Variants in SLC1A6 observed in about 807,000 individuals in gnomAD.
The protein encoded by SLC1A6 is excitatory amino acid transporter 4.
Under a neutral mutation model 42.1 loss-of-function variants are expected in SLC1A6, and 15 were observed. The ratio of observed to expected loss-of-function variants is 0.36; its 90% CI spans 0.24 to 0.55. SLC1A6 has a LOEUF of 0.55. Ranked by LOEUF, SLC1A6 falls within the 20% of genes least tolerant of loss-of-function variation. SLC1A6 has a pLI of 0.88. For missense variants in SLC1A6, 542 were observed against 772.5 expected (o/e 0.70, Z 3.54); for synonymous variants, 317 against 319.7 (o/e 0.99, Z 0.09).
chr19:14,992,542 C>A (rs2045825590), intron 1 of SLC1A6, among the ~76,000 whole-genome samples: 1 of 152,068 alleles, frequency 6.6e-6, no homozygotes, highest in African/African-American at 2.4e-5. Context: ...CCTGTAATCC[C>A]AGCTACTCAG....
chr19:14,964,272 C>T (rs374371119), intron 5 of SLC1A6, 47 bp downstream of exon 5: 7 of 1,565,822 alleles, frequency 4.5e-6, no homozygotes, highest in Non-Finnish European at 5.3e-6. Flanking sequence ...CCCAAGCTCC[C>T]ACCACCCTCC....
chr19:14,985,722 G>A (rs2045789501), intron 1 of SLC1A6, among the ~76,000 whole-genome samples: 1 of 152,228 alleles, frequency 6.6e-6, no homozygotes, highest in Non-Finnish European at 1.5e-5. Context: ...CCAGCCTTTG[G>A]GAGGCCAAGG....
At chr19:14,978,517 A>G (rs989773004) in intron 1 of SLC1A6, among the ~76,000 whole-genome samples, 1 of 151,726 alleles carries the variant, frequency 6.6e-6, no homozygotes, top group Non-Finnish European at 1.5e-5. Context: ...GCAACCACAC[A>G]CACACCCACA....
chr19:14,998,453 A>C (rs535955025), intron 1 of SLC1A6, among the ~76,000 whole-genome samples: 1 of 152,306 alleles, frequency 6.6e-6, no homozygotes, highest in South Asian at 2.1e-4. Context: ...AGGCAGGAGA[A>C]TCACTTGAAC....
intron 1 of SLC1A6, among the ~76,000 whole-genome samples, chr19:14,995,599 A>G (rs776517223): frequency 6.6e-6 from 1 of 152,136 alleles, no homozygotes; most frequent in Non-Finnish European, 1.5e-5. Flanking sequence ...GAGGGAATGC[A>G]TATGTTAATT....
rs755005996 is a variant in SLC1A6, at chr19:14,950,340, G to A, written c.1550C>T (p.Ala517Val). Residue 517 changes from alanine (A) to valine (V), a missense_variant, in exon 10 of 10, where the codon GCC becomes GTC. Ala to Val is a moderately conservative substitution (Grantham distance 64). Around this residue, in one of 6 missense-constraint regions of SLC1A6, gnomAD observed 73 missense variants for 85.2 expected, o/e 0.86. Coordinates refer to ENST00000594383, the MANE Select transcript of SLC1A6 (RefSeq NM_005071.3). ...CCGCTGAGACAAGTGCTCGATGACG[G>A]CCGCTCCAATTGAGTCCCCCAGTAC... ...TNVLGDSIGA[A>V]VIEHLSQREL... 1.2e-6 allele frequency: 2 copies of A among 1,609,990 alleles called. No individual in the cohort carries two copies. Among genetic ancestry groups the A allele is most frequent in the Non-Finnish European group, 1.7e-6 (2 of 1,177,792 alleles).
In SLC1A6 at chr19:14,962,939, C is replaced by T. The variant is rs76215719; in HGVS notation, c.592-594G>A. On this transcript the variant is annotated intron_variant, in intron 5 of 9. Coordinates refer to ENST00000594383, the MANE Select transcript of SLC1A6 (RefSeq NM_005071.3). ...AAAAATTGAACTACCATAGGACCAG[C>T]AATCCCACTACTGTATATATCCAAA... 1.0e-3 allele frequency among the ~76,000 whole-genome samples: 157 copies of T among 152,220 alleles called. 3 individuals are homozygous for T. In the East Asian group the frequency reaches 0.025, roughly 24 times the overall value.
In SLC1A6 at chr19:14,972,767, G is replaced by T. The variant is rs1483075194; in HGVS notation, c.144C>A (p.His48Gln). 4 of 1,613,864 alleles carry T rather than the reference G, an allele frequency of 2.5e-6. No individual in the cohort carries two copies. The highest frequency in any genetic ancestry group is 1.7e-5 in the Admixed American group (1 of 60,002). Reference sequence around the variant, plus strand: ...CGTTTCGGCGCAGGAAGCGCAGCACGTGCTCGAGGGTCATGGTCTGCAGGC... The same window carrying T: ...CGTTTCGGCGCAGGAAGCGCAGCACTTGCTCGAGGGTCATGGTCTGCAGGC... The part of the protein sequence containing the change: ...RLRLQTMTLE[H>Q]VLRFLRRNAF... The change falls in exon 2 of 10, where the codon CAC becomes CAA. Residue 48 changes from histidine to glutamine, a missense_variant. His to Gln is a conservative substitution (Grantham distance 24). This residue lies in a region of SLC1A6 where 88 missense variants were observed against 85.5 expected (regional missense o/e 1.03). Transcript: ENST00000594383.
At chr19:15,004,338 G>A (rs539762136) in intron 1 of SLC1A6, among the ~76,000 whole-genome samples, 1 of 152,086 alleles carries the variant, frequency 6.6e-6, no homozygotes, top group South Asian at 2.1e-4. Flanking sequence ...AGGCATGGTG[G>A]GGGAATGAAT....
upstream of SLC1A6, among the ~76,000 whole-genome samples, chr19:14,984,612 C>T (rs558386225): frequency 2.6e-5 from 4 of 152,254 alleles, no homozygotes; most frequent in South Asian, 2.1e-4. Flanking sequence ...AAACCCTGTC[C>T]GTGAATTCTT....
At chr19:15,001,315 A>G (rs1238395752) in intron 1 of SLC1A6, among the ~76,000 whole-genome samples, 2 of 152,206 alleles carry the variant, frequency 1.3e-5, no homozygotes, top group African/African-American at 2.4e-5. Context: ...CGGTGGTGTG[A>G]GACCTCAAAC....
At chr19:14,964,233 G>C (rs1023520762) in intron 5 of SLC1A6, 86 bp downstream of exon 5, 26 of 1,119,274 alleles carry the variant, frequency 2.3e-5, no homozygotes, top group Middle Eastern at 2.0e-4. Context: ...CCTTCCTCCC[G>C]CCTCTTGCCC....
chr19:14,992,657 CAA>C (rs35913323), intron 1 of SLC1A6, among the ~76,000 whole-genome samples: 4 of 137,530 alleles, frequency 2.9e-5, no homozygotes, highest in Admixed American at 7.4e-5. Context: ...GACTCTGTCT[CAA>C]AAAAAAAAAA....
intron 7 of SLC1A6, 125 bp from the exon 8 acceptor site, chr19:14,954,454 G>C (rs893944714): frequency 2.4e-5 from 20 of 831,822 alleles, no homozygotes; most frequent in Admixed American, 1.7e-4. Flanking sequence ...TGGGGAACAG[G>C]GCGTGACCTA....
At chr19:14,958,527 C>T (rs1459146858) in intron 6 of SLC1A6, among the ~76,000 whole-genome samples, 4 of 152,070 alleles carry the variant, frequency 2.6e-5, no homozygotes, top group Admixed American at 6.6e-5. Context: ...TGAGGATGCA[C>T]GGGGCTTCTC....
At chr19:14,951,253 CAAAAAA>C (rs1164185118) in intron 9 of SLC1A6, among the ~76,000 whole-genome samples, 2,941 of 86,312 alleles carry the variant, frequency 0.034, 15 homozygotes, top group African/African-American at 0.037. Context: ...CTCTGTCTCA[CAAAAAA>C]AAAAAAAAAA....
intron 1 of SLC1A6, among the ~76,000 whole-genome samples, chr19:14,998,818 T>C (rs2045859222): frequency 6.6e-6 from 1 of 152,118 alleles, no homozygotes; most frequent in Non-Finnish European, 1.5e-5. Context: ...AGGAGAGAAT[T>C]AACTGGGTCT....
At chr19:14,966,980 C>T (rs188402360) in intron 4 of SLC1A6, among the ~76,000 whole-genome samples, 77 of 152,068 alleles carry the variant, frequency 5.1e-4, no homozygotes, top group Admixed American at 4.6e-4. Context: ...ACCACCATGG[C>T]GCATGTATAC....
At chr19:14,993,144 T>TA (rs1351120027) in intron 1 of SLC1A6, among the ~76,000 whole-genome samples, 1 of 151,252 alleles carries the variant, frequency 6.6e-6, no homozygotes, top group Admixed American at 6.6e-5. Flanking sequence ...TCAGGGGAGG[T>TA]AAAAAAGGGA....
Sources: gnomAD v4.1 joint callset for allele counts (sites outside exome capture counted in the v4.1 genomes callset) on GRCh38, gnomAD v4.1.1 for gene constraint, gnomAD v4.1.1 regional missense constraint, MANE v1.5 for transcripts, NCBI Gene and HGNC (gene_info 2026-07-23, HGNC 2026-07-21) for gene names.